Variants in RNF111 observed in about 807,000 individuals in gnomAD.
RNF111 encodes the protein ring finger protein 111.
In RNF111, 17 loss-of-function variants were observed where a neutral mutation model predicts 95.1. That is an observed-to-expected ratio of 0.18 (90% CI 0.12 to 0.27). The LOEUF (loss-of-function observed/expected upper bound fraction) is 0.27, where lower values mean the gene tolerates loss of function less well. RNF111 is among the 10% of genes least tolerant of loss of function. The pLI is 1.00. For missense variants in RNF111, 1,189 were observed against 1,210.4 expected (o/e 0.98, Z 0.26); for synonymous variants, 440 against 414.8 (o/e 1.06, Z -0.74).
chr15:59,045,793 C>G (rs1254833519), intron 2 of RNF111, among the ~76,000 whole-genome samples: 1 of 152,148 alleles, frequency 6.6e-6, no homozygotes, highest in African/African-American at 2.4e-5. Context: ...TCTCAAGGTT[C>G]CTTTTGTACT....
At chr15:58,997,267 C>T (rs1265629084) in intron 1 of RNF111, among the ~76,000 whole-genome samples, 1 of 152,124 alleles carries the variant, frequency 6.6e-6, no homozygotes, top group Non-Finnish European at 1.5e-5. Context: ...AGTAGTGGTT[C>T]TCAGAGTGTG....
At chr15:59,016,976 A>ACTGTC (rs1475276140) in intron 1 of RNF111, among the ~76,000 whole-genome samples, 6 of 151,654 alleles carry the variant, frequency 4.0e-5, no homozygotes, top group African/African-American at 1.5e-4. Context: ...ATGATCTGTC[A>ACTGTC]CTGTCTCCCA....
At chr15:58,999,312 T>C (rs2039223602) in intron 1 of RNF111, among the ~76,000 whole-genome samples, 1 of 152,216 alleles carries the variant, frequency 6.6e-6, no homozygotes, top group African/African-American at 2.4e-5. Context: ...TAAAAGTTAC[T>C]TATATTAGAT....
chr15:58,995,151 C>T (rs2039002869), intron 1 of RNF111, among the ~76,000 whole-genome samples: 1 of 152,312 alleles, frequency 6.6e-6, no homozygotes, highest in South Asian at 2.1e-4. Flanking sequence ...TCCTGTTCCT[C>T]ATCACTCCCC....
intron 2 of RNF111, among the ~76,000 whole-genome samples, chr15:59,036,147 C>G (rs562166798): frequency 6.6e-6 from 1 of 152,066 alleles, no homozygotes; most frequent in Non-Finnish European, 1.5e-5. Flanking sequence ...GTGATCTTGG[C>G]TCACTGCAAC....
At chr15:59,060,346 T>A (rs1388712015) in intron 5 of RNF111, among the ~76,000 whole-genome samples, 2 of 151,544 alleles carry the variant, frequency 1.3e-5, no homozygotes, top group East Asian at 3.9e-4. Flanking sequence ...GACTCACACC[T>A]GTAATCCCAG....
intron 2 of RNF111, among the ~76,000 whole-genome samples, chr15:59,051,054 A>T (rs182260647): frequency 1.3e-5 from 2 of 152,356 alleles, no homozygotes; most frequent in African/African-American, 4.8e-5. Flanking sequence ...TAATATAAAG[A>T]ATATTAAAGA....
chr15:59,040,898 T>G (rs149172070), intron 2 of RNF111, among the ~76,000 whole-genome samples: 227 of 152,348 alleles, frequency 1.5e-3, no homozygotes, highest in African/African-American at 5.4e-3. Flanking sequence ...GCTTTTTAAA[T>G]TATGTAAAAC....
At position 59,067,069 on chromosome 15, in the gene RNF111, A is replaced by G. The variant is rs2042689001; in HGVS notation, c.1672A>G (p.Ser558Gly). 1.9e-6 allele frequency: 3 copies of G among 1,613,838 alleles called. No homozygotes were observed. The highest frequency in any genetic ancestry group is 2.5e-6 in the Non-Finnish European group (3 of 1,179,882). Reference sequence around the variant, plus strand: ...TGGAGCAAATAGTAGTTCTGGTACCAGCTATCATGAACAGGTATGTGGAAT... The same window carrying G: ...TGGAGCAAATAGTAGTTCTGGTACCGGCTATCATGAACAGGTATGTGGAAT... Reference protein sequence around the residue: ...PCGANSSSGTSYHEQQALPVD... With the variant: ...PCGANSSSGTGYHEQQALPVD... Residue 558 changes from serine (S) to glycine (G), a missense_variant, in exon 6 of 14, where the codon AGC becomes GGC. Physicochemically the swap from Ser to Gly is moderately conservative, Grantham distance 56. Transcript: ENST00000348370.
At chr15:59,001,432 A>G (rs1470059637) in intron 1 of RNF111, among the ~76,000 whole-genome samples, 1 of 151,772 alleles carries the variant, frequency 6.6e-6, no homozygotes, top group Non-Finnish European at 1.5e-5. Context: ...GTTGTTGATT[A>G]AAAAAAAATT....
chr15:59,025,249 A>T (rs1488072816), intron 1 of RNF111, among the ~76,000 whole-genome samples: 1 of 152,168 alleles, frequency 6.6e-6, no homozygotes, highest in Non-Finnish European at 1.5e-5. Context: ...CCTTTCTACT[A>T]GGAAAGGTAA....
At chr15:58,992,744 C>A (rs939550139) in intron 1 of RNF111, among the ~76,000 whole-genome samples, 1 of 152,036 alleles carries the variant, frequency 6.6e-6, no homozygotes, top group African/African-American at 2.4e-5. Context: ...GGCTTGAGCC[C>A]GGGAGGCAGA....
At chr15:59,090,075 C>G (rs1270835559) in intron 11 of RNF111, among the ~76,000 whole-genome samples, 2 of 152,106 alleles carry the variant, frequency 1.3e-5, no homozygotes, top group African/African-American at 4.8e-5. Context: ...GTTTTTGACT[C>G]AGCTAAATTT....
rs1052666638 is a variant in RNF111 at position 59,032,021 on chromosome 15, C to T, written c.880+319C>T. On this transcript the variant is annotated intron_variant, in intron 2 of 13. Coordinates refer to ENST00000348370, the MANE Select transcript of RNF111 (RefSeq NM_017610.8). ...TGGCGCAATCTCGGCTCACTGCAACCTCCGCCTCCTGGGTTCAAGCAATTC... is the reference window on the plus strand; with the variant it reads ...TGGCGCAATCTCGGCTCACTGCAACTTCCGCCTCCTGGGTTCAAGCAATTC... Among the ~76,000 whole-genome samples the T allele has an allele frequency of 4.6e-4, 70 of 152,116 alleles. 1 individual carries two copies. The highest frequency in any genetic ancestry group is 5.9e-5 in the Non-Finnish European group (4 of 68,032).
At chr15:58,993,264 T>C (rs1410735600) in intron 1 of RNF111, among the ~76,000 whole-genome samples, 1 of 152,082 alleles carries the variant, frequency 6.6e-6, no homozygotes, top group Non-Finnish European at 1.5e-5. Flanking sequence ...ATCCCAGAAC[T>C]TTGGGAGGCC....
chr15:59,084,887 G>C (rs1204279571), intron 9 of RNF111, among the ~76,000 whole-genome samples: 1 of 151,956 alleles, frequency 6.6e-6, no homozygotes, highest in African/African-American at 2.4e-5. Flanking sequence ...CTGTTCTTCA[G>C]GGTTACTACC....
intron 2 of RNF111, chr15:59,049,566 A>C (rs1206158837): frequency 6.1e-6 from 1 of 164,020 alleles, no homozygotes. Flanking sequence ...TGTTTTGGGA[A>C]GCCATCTCAG....
At chr15:59,061,280 A>C (rs1486200056) in intron 5 of RNF111, among the ~76,000 whole-genome samples, 1 of 152,160 alleles carries the variant, frequency 6.6e-6, no homozygotes, top group East Asian at 1.9e-4. Flanking sequence ...GACCCTATGG[A>C]ACATTAGTTC....
chr15:59,035,206 G>A (rs1211158128), intron 2 of RNF111, among the ~76,000 whole-genome samples: 1 of 152,154 alleles, frequency 6.6e-6, no homozygotes, highest in East Asian at 1.9e-4. Context: ...CCCTGTCCAT[G>A]ACACGTGGGA....
Sources: allele counts gnomAD v4.1 joint callset (sites outside exome capture counted in the v4.1 genomes callset), GRCh38; gene constraint gnomAD v4.1.1; transcripts MANE v1.5; gene names NCBI Gene and HGNC (gene_info 2026-07-23, HGNC 2026-07-21).